Variants in NXPE2 observed in about 807,000 individuals in gnomAD.
The protein encoded by NXPE2 is NXPE family member 2.
In NXPE2, 34 loss-of-function variants were observed where a neutral mutation model predicts 34.4. The ratio of observed to expected loss-of-function variants is 0.99; its 90% confidence interval spans 0.75 to 1.31. NXPE2 has a LOEUF of 1.31. Ranked by LOEUF, NXPE2 falls within the 40% of genes most tolerant of loss-of-function variation. The probability of loss-of-function intolerance (pLI) is 0.00; values close to 1 mark genes in which losing one functional copy is unlikely to be tolerated. For synonymous variants in NXPE2, 235 were observed against 231.3 expected (o/e 1.02, Z -0.15); for missense variants, 649 against 672.5 (o/e 0.97, Z 0.39).
At chr11:114,633,649 G>A in the NXPE2 span, among the ~76,000 whole-genome samples, 12 of 141,526 alleles carry the variant, frequency 8.5e-5, no homozygotes, top group African/African-American at 3.1e-4. Context: ...AGAGTGTGAT[G>A]TTCCCCTTCC....
chr11:114,722,225 TC>T, the NXPE2 span, among the ~76,000 whole-genome samples: 1 of 152,246 alleles, frequency 6.6e-6, no homozygotes, highest in African/African-American at 2.4e-5. Context: ...GGGAGCAGTT[TC>T]CCCCATGCTG....
the NXPE2 span, among the ~76,000 whole-genome samples, chr11:114,713,077 C>CA: frequency 1.3e-5 from 2 of 152,048 alleles, no homozygotes; most frequent in African/African-American, 4.8e-5. Flanking sequence ...TCATAGCAGT[C>CA]AAAATCATAG....
the NXPE2 span, among the ~76,000 whole-genome samples, chr11:114,630,893 C>G: frequency 1.3e-5 from 2 of 151,748 alleles, no homozygotes; most frequent in African/African-American, 4.8e-5. Flanking sequence ...TAAAAGAAGA[C>G]ATTTATGCAG....
the NXPE2 span, among the ~76,000 whole-genome samples, chr11:114,614,211 G>T: frequency 2.0e-5 from 3 of 151,578 alleles, no homozygotes; most frequent in Non-Finnish European, 4.4e-5. Flanking sequence ...AATGTTAATG[G>T]ATAATAAGTG....
chr11:114,556,452 C>G, the NXPE2 span, among the ~76,000 whole-genome samples: 1 of 152,056 alleles, frequency 6.6e-6, no homozygotes, highest in Non-Finnish European at 1.5e-5. Context: ...TAAGGCCTTT[C>G]TCCTGGAATT....
the NXPE2 span, among the ~76,000 whole-genome samples, chr11:114,511,726 C>T: frequency 1.3e-5 from 2 of 152,142 alleles, no homozygotes; most frequent in African/African-American, 4.8e-5. Context: ...GGGGCTGATC[C>T]CTCACGAATG....
the NXPE2 span, among the ~76,000 whole-genome samples, chr11:114,765,251 CAT>C: frequency 8.2e-6 from 1 of 122,596 alleles, no homozygotes; most frequent in Non-Finnish European, 1.9e-5. Context: ...CAAATACAGA[CAT>C]ACTTTTTTTA....
chr11:114,616,148 C>T, the NXPE2 span, among the ~76,000 whole-genome samples: 4 of 151,568 alleles, frequency 2.6e-5, no homozygotes, highest in South Asian at 2.1e-4. Flanking sequence ...AGTATTGCCT[C>T]GTGGGTAACC....
the NXPE2 span, chr11:114,530,137 A>G: frequency 1.3e-6 from 2 of 1,546,626 alleles, no homozygotes; most frequent in South Asian, 1.3e-5. Flanking sequence ...GGCACTTCTC[A>G]GGGGACACTT....
At chr11:114,699,467 T>G (rs1568215) in intron 3 of NXPE2, among the ~76,000 whole-genome samples, 62,526 of 151,986 alleles carry the variant, frequency 0.41, 13,354 homozygotes, top group South Asian at 0.49. Context: ...TCTTTAATAT[T>G]TTTACAAGGA....
the NXPE2 span, among the ~76,000 whole-genome samples, chr11:114,624,713 C>T: frequency 6.6e-6 from 1 of 152,026 alleles, no homozygotes; most frequent in African/African-American, 2.4e-5. Context: ...CCACTGTCTC[C>T]TGGTGGATAA....
chr11:114,528,343 A>G, the NXPE2 span, among the ~76,000 whole-genome samples: 2 of 152,136 alleles, frequency 1.3e-5, no homozygotes, highest in Non-Finnish European at 2.9e-5. Context: ...TGCAAATCCA[A>G]CTGCACTACT....
the NXPE2 span, among the ~76,000 whole-genome samples, chr11:114,628,788 G>GA: frequency 1.3e-5 from 2 of 151,552 alleles, no homozygotes; most frequent in African/African-American, 2.4e-5. Context: ...GACTAATAAT[G>GA]AAAAAAAGAG....
At chr11:114,465,656 CAT>C in the NXPE2 span, among the ~76,000 whole-genome samples, 12 of 152,206 alleles carry the variant, frequency 7.9e-5, no homozygotes, top group South Asian at 6.2e-4. Context: ...TTAAAATACA[CAT>C]GTGTTTTATT....
chr11:114,499,665 G>T, the NXPE2 span, among the ~76,000 whole-genome samples: 2 of 151,942 alleles, frequency 1.3e-5, no homozygotes, highest in African/African-American at 2.4e-5. Flanking sequence ...TATGTTAATT[G>T]TGCAGTTTGG....
chr11:114,491,164 G>A, the NXPE2 span, among the ~76,000 whole-genome samples: 14 of 30,506 alleles, frequency 4.6e-4, no homozygotes, highest in South Asian at 2.1e-3. Context: ...GCGAGACTCC[G>A]TCTCAAAAAA....
chr11:114,535,876 G>C, the NXPE2 span, among the ~76,000 whole-genome samples: 1 of 152,112 alleles, frequency 6.6e-6, no homozygotes, highest in Non-Finnish European at 1.5e-5. Context: ...AGATCAACGA[G>C]ACAGAAAGTT....
At chr11:114,736,414 A>G in the NXPE2 span, among the ~76,000 whole-genome samples, 3 of 152,288 alleles carry the variant, frequency 2.0e-5, no homozygotes, top group East Asian at 5.8e-4. Context: ...CCTTGCTGAG[A>G]AAAAGAATTG....
chr11:114,600,566 A>G, the NXPE2 span, among the ~76,000 whole-genome samples: 27 of 152,204 alleles, frequency 1.8e-4, no homozygotes, highest in Non-Finnish European at 3.4e-4. Context: ...ACAAAATAAT[A>G]TTTTTCTAAA....
Sources: gnomAD v4.1 joint callset for allele counts (sites outside exome capture counted in the v4.1 genomes callset) on GRCh38, gnomAD v4.1.1 for gene constraint, MANE v1.5 for transcripts, NCBI Gene and HGNC (gene_info 2026-07-23, HGNC 2026-07-21) for gene names.